The following CLCN3 variants were observed in gnomAD, a reference collection of about 807,000 sequenced individuals.
The protein encoded by CLCN3 is Cl-/H+ antiporter 3, also known as H(+)/Cl(-) exchange transporter 3.
Under a neutral mutation model 83.4 loss-of-function variants are expected in CLCN3, and 16 were observed. The observed-to-expected ratio is 0.19, with a 90% CI of 0.13 to 0.29. The LOEUF (loss-of-function observed/expected upper bound fraction) is 0.29. CLCN3 is among the 10% of genes least tolerant of loss of function. The pLI, the probability that CLCN3 is intolerant of heterozygous loss-of-function variation, is 1.00. For missense variants in CLCN3, 544 were observed against 1,006.0 expected, an observed-to-expected ratio of 0.54 and a Z score of 6.21; for synonymous variants, 322 against 346.2, an observed-to-expected ratio of 0.93 and a Z score of 0.78.
At chr4:169,698,126 CTATA>C (rs1732638791) in intron 9 of CLCN3, among the ~76,000 whole-genome samples, 1 of 152,012 alleles carries the variant, frequency 6.6e-6, no homozygotes, top group Non-Finnish European at 1.5e-5. Context: ...TACACAGTAG[CTATA>C]TATAGTTTTG....
At chr4:169,695,506 T>A in intron 7 of CLCN3, 106 bp from the exon 8 acceptor site, 1 of 816,934 alleles carries the variant, frequency 1.2e-6, no homozygotes, top group Non-Finnish European at 2.1e-6. Context: ...AACATGCAAG[T>A]TAAATTCAGA....
At chr4:169,703,611 G>A (rs1057285822) in intron 9 of CLCN3, among the ~76,000 whole-genome samples, 5 of 151,408 alleles carry the variant, frequency 3.3e-5, no homozygotes, top group African/African-American at 1.2e-4. Flanking sequence ...TGAAGTCTAA[G>A]ATTTTACTGC....
chr4:169,664,429 A>G (rs905016083), intron 2 of CLCN3, among the ~76,000 whole-genome samples: 5 of 152,114 alleles, frequency 3.3e-5, no homozygotes, highest in African/African-American at 1.2e-4. Flanking sequence ...CAGGTGTTAT[A>G]TGATATTCTT....
At chr4:169,708,131 A>T (rs1733063242) in intron 11 of CLCN3, among the ~76,000 whole-genome samples, 1 of 152,150 alleles carries the variant, frequency 6.6e-6, no homozygotes, top group Admixed American at 6.5e-5. Flanking sequence ...GGCCTGTCTG[A>T]AAGGTCATTC....
chr4:169,676,267 G>A (rs931785680), intron 2 of CLCN3, among the ~76,000 whole-genome samples: 2 of 152,088 alleles, frequency 1.3e-5, no homozygotes, highest in Non-Finnish European at 2.9e-5. Flanking sequence ...ACCAATAGAT[G>A]AGACATTTCC....
chr4:169,653,604 G>A (rs1342805282), intron 2 of CLCN3, among the ~76,000 whole-genome samples: 2 of 123,182 alleles, frequency 1.6e-5, no homozygotes, highest in Non-Finnish European at 3.1e-5. Context: ...TCATGCCACC[G>A]CATTCCAGGC....
At chr4:169,622,962 G>T (rs1247794447) in intron 1 of CLCN3, among the ~76,000 whole-genome samples, 1 of 152,144 alleles carries the variant, frequency 6.6e-6, no homozygotes, top group East Asian at 1.9e-4. Context: ...TTTTAAATAT[G>T]CACATTCACA....
At chr4:169,629,694 A>AT (rs1773322208) in intron 1 of CLCN3, among the ~76,000 whole-genome samples, 1 of 152,150 alleles carries the variant, frequency 6.6e-6, no homozygotes, top group African/African-American at 2.4e-5. Flanking sequence ...TTTGCTAACC[A>AT]TTGAGTATAC....
chr4:169,713,247 A>T lies in CLCN3; in HGVS notation c.2318A>T (p.Asp773Val). Reference protein sequence around the residue: ...TDHTPMEIVVDIFRKLGLRQC... With the variant: ...TDHTPMEIVVVIFRKLGLRQC... ...CACACCCCAATGGAGATCGTGGTGG[A>T]TATTTTCCGAAAGCTGGGACTGAGG... The change falls in exon 12 of 13, where the codon GAT (aspartate) becomes GTT (valine). Residue 773 changes from aspartate (D) to valine (V), a missense_variant. Physicochemically the swap from Asp to Val is radical, Grantham distance 152. Around this residue, in one of 6 missense-constraint regions of CLCN3, gnomAD observed 142 missense variants for 225.0 expected, o/e 0.63. Coordinates refer to ENST00000513761, the MANE Select transcript of CLCN3 (RefSeq NM_001829.4). 1 of 1,614,110 alleles carries T rather than the reference A, an allele frequency of 6.2e-7. No individual in the cohort carries two copies. The highest frequency in any genetic ancestry group is 1.1e-5 in the South Asian group (1 of 91,078).
intron 2 of CLCN3, 132 bp downstream of exon 2, chr4:169,636,220 A>C (rs972406670): frequency 3.8e-6 from 3 of 786,854 alleles, no homozygotes; most frequent in Admixed American, 5.7e-5. Context: ...CATAAACTTA[A>C]CCATTGTAAA....
intron 12 of CLCN3, among the ~76,000 whole-genome samples, chr4:169,715,492 G>A (rs943605098): frequency 1.3e-5 from 2 of 152,152 alleles, no homozygotes; most frequent in Non-Finnish European, 2.9e-5. Flanking sequence ...AGGAAGTCGG[G>A]TGTTTTTTTT....
intron 12 of CLCN3, among the ~76,000 whole-genome samples, chr4:169,718,164 G>A (rs1292112493): frequency 6.6e-6 from 1 of 152,066 alleles, no homozygotes; most frequent in Non-Finnish European, 1.5e-5. Context: ...CATTCTTAAA[G>A]TGAATATGGC....
chr4:169,642,304 A>G (rs1288025905), intron 2 of CLCN3, among the ~76,000 whole-genome samples: 1 of 152,136 alleles, frequency 6.6e-6, no homozygotes, highest in Non-Finnish European at 1.5e-5. Context: ...AAATAAAAGA[A>G]CCTGTTTAGT....
intron 2 of CLCN3, among the ~76,000 whole-genome samples, chr4:169,667,548 G>A (rs1442176191): frequency 6.6e-6 from 1 of 151,960 alleles, no homozygotes; most frequent in Non-Finnish European, 1.5e-5. Context: ...TTAGTTCATC[G>A]ATTGGATAAT....
intron 4 of CLCN3, 67 bp downstream of exon 4, chr4:169,687,824 C>G: frequency 1.2e-6 from 1 of 804,326 alleles, no homozygotes; most frequent in Admixed American, 2.9e-5. Context: ...TCCCTCCTTC[C>G]CTCAATTTTT....
At position 169,706,886 on chromosome 4, in the gene CLCN3, C is replaced by G. The variant is rs1324651173; in HGVS notation, c.1769C>G (p.Thr590Ser). ...TTTTCAGGTGGTGTGACAAGAATGA[C>G]TGTCTCCCTGGTGGTTATTGTTTTT... ...AACLGGVTRM[T>S]VSLVVIVFEL... is the part of the protein sequence containing the mutation. The change falls in exon 11 of 13, where the codon ACT (threonine) becomes AGT (serine). Residue 590 changes from threonine to serine, a missense_variant. Thr to Ser is a moderately conservative substitution (Grantham distance 58). Transcript: ENST00000513761. 3 of 1,611,020 alleles carry G rather than the reference C, an allele frequency of 1.9e-6. No individual in the cohort carries two copies. The highest frequency in any genetic ancestry group is 2.5e-6 in the Non-Finnish European group (3 of 1,177,566).
At chr4:169,702,696 C>A (rs1732836140) in intron 9 of CLCN3, 1 of 168,396 alleles carries the variant, frequency 5.9e-6, no homozygotes, top group Non-Finnish European at 1.3e-5. Flanking sequence ...AATCTCCATG[C>A]TTTGGGAGGC....
intron 1 of CLCN3, among the ~76,000 whole-genome samples, chr4:169,621,898 A>G (rs1451043300): frequency 2.6e-5 from 4 of 152,218 alleles, no homozygotes; most frequent in African/African-American, 9.6e-5. Context: ...TATGGGAGTT[A>G]AAGTGCTTGT....
intron 1 of CLCN3, among the ~76,000 whole-genome samples, chr4:169,630,440 C>G (rs1773340288): frequency 1.3e-5 from 2 of 152,186 alleles, no homozygotes; most frequent in African/African-American, 2.4e-5. Flanking sequence ...AGCAGCATCC[C>G]CATTGCTGCA....
Sources: allele counts gnomAD v4.1 joint callset (sites outside exome capture counted in the v4.1 genomes callset), GRCh38; gene constraint gnomAD v4.1.1; regional missense constraint gnomAD v4.1.1; transcripts MANE v1.5; gene names NCBI Gene and HGNC (gene_info 2026-07-23, HGNC 2026-07-21).